Variants in POLA1 observed in about 807,000 individuals in gnomAD.
The protein encoded by POLA1 is DNA polymerase alpha 1, catalytic subunit, also known as DNA polymerase alpha catalytic subunit.
Under a neutral mutation model 124.0 loss-of-function variants are expected in POLA1, and 15 were observed. The ratio of observed to expected loss-of-function variants is 0.12; its 90% CI spans 0.08 to 0.19. The LOEUF (loss-of-function observed/expected upper bound fraction) is 0.19. Ranked by LOEUF, POLA1 falls within the 10% of genes least tolerant of loss-of-function variation. The probability of loss-of-function intolerance (pLI) is 1.00; values close to 1 mark genes in which losing one functional copy is unlikely to be tolerated. For missense variants in POLA1, 886 were observed against 1,103.4 expected (o/e 0.80, Z 2.79); for synonymous variants, 408 against 389.4 (o/e 1.05, Z -0.56).
At chrX:24,838,841 T>C (rs2046374391) in intron 32 of POLA1, among the ~76,000 whole-genome samples, 1 of 112,431 alleles carries the variant, frequency 8.9e-6, no homozygotes, top group Non-Finnish European at 1.9e-5. Flanking sequence ...CAGATACTTG[T>C]TTCTTGTTTC....
intron 36 of POLA1, among the ~76,000 whole-genome samples, chrX:24,993,608 C>T (rs1279206815): frequency 9.0e-6 from 1 of 111,678 alleles, no homozygotes; most frequent in Admixed American, 9.4e-5. Flanking sequence ...TGAGGCCTAA[C>T]GTGGGTGGCC....
At chrX:24,801,924 GGTGTGTGTGTGTGTGTGTGT>G (rs35938897) in intron 26 of POLA1, among the ~76,000 whole-genome samples, 7 of 74,534 alleles carry the variant, frequency 9.4e-5, no homozygotes, top group African/African-American at 2.2e-4. Context: ...GAGGTGGGTG[GGTGTGTGTGTGTGTGTGTGT>G]GTGTGTGTGT....
At chrX:24,741,841 C>T (rs1387884698) in intron 21 of POLA1, among the ~76,000 whole-genome samples, 161 bp from the exon 22 acceptor site, 1 of 107,361 alleles carries the variant, frequency 9.3e-6, no homozygotes, top group Admixed American at 1.0e-4. Flanking sequence ...TTAAAGAAAA[C>T]GTTAGGAATA....
intron 31 of POLA1, among the ~76,000 whole-genome samples, chrX:24,823,811 G>A (rs932946397): frequency 1.8e-5 from 2 of 112,189 alleles, no homozygotes; most frequent in African/African-American, 6.5e-5. Flanking sequence ...TAAAATTTAC[G>A]TTTAGGAAAT....
chrX:24,790,220 C>G (rs1337687732), intron 26 of POLA1, among the ~76,000 whole-genome samples: 1 of 111,917 alleles, frequency 8.9e-6, no homozygotes, highest in Admixed American at 9.5e-5. Context: ...GAAATTAACT[C>G]TGAGAACTTT....
At chrX:24,909,828 G>C (rs1310843418) in intron 35 of POLA1, among the ~76,000 whole-genome samples, 1 of 109,751 alleles carries the variant, frequency 9.1e-6, no homozygotes, top group African/African-American at 3.3e-5. Flanking sequence ...ACCTTGGGCA[G>C]TATGGCCATT....
At chrX:24,875,374 AG>A (rs978721272) in intron 34 of POLA1, among the ~76,000 whole-genome samples, 1 of 111,912 alleles carries the variant, frequency 8.9e-6, no homozygotes, top group African/African-American at 3.2e-5. Context: ...TTTGGCATTA[AG>A]GGTTATATTT....
chrX:24,887,003 A>G (rs1293540755), intron 34 of POLA1, among the ~76,000 whole-genome samples: 2 of 111,647 alleles, frequency 1.8e-5, no homozygotes, highest in African/African-American at 6.5e-5. Context: ...CCATAAGACA[A>G]GGGAGCAGCA....
At chrX:24,763,020 G>A (rs1371463416) in intron 26 of POLA1, among the ~76,000 whole-genome samples, 1 of 111,764 alleles carries the variant, frequency 8.9e-6, no homozygotes, top group African/African-American at 3.3e-5. Flanking sequence ...TTACAGGCAT[G>A]AGCCACCACG....
intron 34 of POLA1, among the ~76,000 whole-genome samples, chrX:24,871,224 C>T (rs934622773): frequency 1.8e-5 from 2 of 112,373 alleles, no homozygotes; most frequent in African/African-American, 3.2e-5. Context: ...TGTATAAATA[C>T]ATGCCCATTT....
At chrX:24,848,490 A>G (rs1446276884) in intron 34 of POLA1, among the ~76,000 whole-genome samples, 1 of 111,735 alleles carries the variant, frequency 8.9e-6, no homozygotes, top group African/African-American at 3.3e-5. Flanking sequence ...CTTGTTTTTC[A>G]TCTTTGCAAG....
intron 30 of POLA1, among the ~76,000 whole-genome samples, chrX:24,816,805 T>C (rs1486890719): frequency 9.0e-6 from 1 of 111,422 alleles, no homozygotes; most frequent in Non-Finnish European, 1.9e-5. Context: ...TTTAGGGTAG[T>C]GGGCCCACAC....
chrX:24,951,277 CTT>C (rs1430338933), intron 36 of POLA1, among the ~76,000 whole-genome samples: 91 of 92,385 alleles, frequency 9.9e-4, no homozygotes, highest in Non-Finnish European at 1.5e-3. Flanking sequence ...TAGGAGTAGG[CTT>C]AAGCTCTTGC....
intron 6 of POLA1, 41 bp from the exon 7 acceptor site, chrX:24,716,321 A>G: frequency 1.4e-6 from 1 of 712,179 alleles, no homozygotes; most frequent in Non-Finnish European, 2.3e-6. Flanking sequence ...GTCTGTGGTA[A>G]ACCAAGCATG....
chrX:24,905,601 C>G (rs2047355650), intron 35 of POLA1, among the ~76,000 whole-genome samples: 1 of 80,068 alleles, frequency 1.2e-5, no homozygotes, highest in South Asian at 9.9e-4. Flanking sequence ...TTCGCTCTTT[C>G]ACCCAGGCTG....
At position 24,703,580 on chromosome X, in the gene POLA1, A is replaced by T. The variant is rs754689479; in HGVS notation, c.265+233A>T. Among the ~76,000 whole-genome samples, 3 of 112,190 alleles carry T rather than the reference A, an allele frequency of 2.7e-5. No individual in the cohort carries two copies. In the South Asian group the frequency reaches 1.1e-3, roughly 42 times the overall value. On this transcript the variant is annotated intron_variant, in intron 3 of 36. Coordinates refer to ENST00000379068, the MANE Select transcript of POLA1 (RefSeq NM_001330360.2). The stretch of plus-strand genomic sequence containing the variant: ...GGAGAATCTAGGCACATACCTCAGG[A>T]TGTAGTATAAATCCTCCAGGTAATG...
chrX:24,908,669 A>G (rs1007961648), intron 35 of POLA1, among the ~76,000 whole-genome samples: 1 of 110,850 alleles, frequency 9.0e-6, no homozygotes, highest in African/African-American at 3.3e-5. Flanking sequence ...AGTCTTTGCT[A>G]TTGTGAATAG....
At chrX:24,948,137 G>A (rs1166544120) in intron 36 of POLA1, among the ~76,000 whole-genome samples, 1 of 111,787 alleles carries the variant, frequency 8.9e-6, no homozygotes, top group Non-Finnish European at 1.9e-5. Flanking sequence ...ATTATTATTA[G>A]TGTTCTAGTA....
intron 12 of POLA1, among the ~76,000 whole-genome samples, chrX:24,725,240 G>A (rs962382853): frequency 1.0e-5 from 1 of 100,195 alleles, no homozygotes; most frequent in African/African-American, 3.7e-5. Context: ...TGTTGTCCAG[G>A]TTGGAGTGCA....
Sources: allele counts gnomAD v4.1 joint callset (sites outside exome capture counted in the v4.1 genomes callset), GRCh38; gene constraint gnomAD v4.1.1; transcripts MANE v1.5; gene names NCBI Gene and HGNC (gene_info 2026-07-23, HGNC 2026-07-21).